The following LPP variants were observed in gnomAD, a reference collection of about 807,000 sequenced individuals.
The protein encoded by LPP is LIM domain containing preferred translocation partner in lipoma, also known as lipoma-preferred partner.
LPP carries 38 observed loss-of-function variants against 60.4 expected under a neutral mutation model. The ratio of observed to expected loss-of-function variants is 0.63; its 90% CI spans 0.49 to 0.83. The LOEUF (loss-of-function observed/expected upper bound fraction) is 0.83, where lower values mean the gene tolerates loss of function less well. Among genes scored for constraint, LPP ranks in the 40% least tolerant of loss-of-function variants. LPP has a pLI of 0.00. For missense variants in LPP, 902 were observed against 783.6 expected (o/e 1.15, Z -1.80); for synonymous variants, 328 against 290.8 (o/e 1.13, Z -1.30).
At chr3:188,567,673 A>G (rs1272190183) in intron 6 of LPP, among the ~76,000 whole-genome samples, 1 of 151,930 alleles carries the variant, frequency 6.6e-6, no homozygotes, top group Admixed American at 6.6e-5. Flanking sequence ...TGTCCTATGA[A>G]GCAGATATAC....
Position 188,874,831 on chromosome 3 carries a change from A to G in LPP, c.*352A>G, listed in dbSNP as rs1360210324. The G allele has an allele frequency of 4.1e-6, 1 of 246,780 alleles. No individual in the cohort carries two copies. The highest frequency in any genetic ancestry group is 5.2e-5 in the Admixed American group (1 of 19,336). The allele number at this position is 246,780 out of a possible 1,614,324, so 15.3% of individuals were successfully genotyped here. A position where few individuals can be genotyped will look rare whatever the true frequency, so the allele number is the denominator to read the frequency against. Reference sequence around the variant, plus strand: ...TTCTTAGTGTGGTATTTGCTGTCACATAGTTTTTCCTGGGTGAGTCTGCCA... The same window carrying G: ...TTCTTAGTGTGGTATTTGCTGTCACGTAGTTTTTCCTGGGTGAGTCTGCCA... On this transcript the variant is annotated 3_prime_UTR_variant, in exon 12 of 12. Coordinates refer to ENST00000617246, the MANE Select transcript of LPP (RefSeq NM_001375462.1).
At chr3:188,669,868 G>A (rs1007477774) in intron 7 of LPP, among the ~76,000 whole-genome samples, 6 of 152,152 alleles carry the variant, frequency 3.9e-5, no homozygotes, top group Non-Finnish European at 8.8e-5. Flanking sequence ...GTCCATCAAT[G>A]ATAGACTGGA....
chr3:188,836,892 C>A (rs1758583034), intron 9 of LPP, among the ~76,000 whole-genome samples: 1 of 152,194 alleles, frequency 6.6e-6, no homozygotes, highest in South Asian at 2.1e-4. Context: ...ACTGTCAGAA[C>A]TACGTGGGCT....
intron 1 of LPP, among the ~76,000 whole-genome samples, chr3:188,216,258 GTCT>G (rs1213770887): frequency 1.0e-4 from 15 of 147,884 alleles, no homozygotes; most frequent in African/African-American, 2.7e-4. Context: ...GACTCTGCTC[GTCT>G]TCTTCTTCTT....
intron 1 of LPP, among the ~76,000 whole-genome samples, chr3:188,177,911 A>G (rs1238252523): frequency 2.0e-5 from 3 of 152,188 alleles, no homozygotes; most frequent in Non-Finnish European, 4.4e-5. Context: ...GGAAGATGTG[A>G]CGATGTGCAT....
chr3:188,829,885 A>G, intron 9 of LPP, among the ~76,000 whole-genome samples: 1 of 152,062 alleles, frequency 6.6e-6, no homozygotes, highest in East Asian at 1.9e-4. Context: ...ATTAAAAGAT[A>G]CATTGGCTGG....
intron 4 of LPP, among the ~76,000 whole-genome samples, chr3:188,478,826 G>C (rs1206258579): frequency 6.6e-6 from 1 of 152,030 alleles, no homozygotes; most frequent in Non-Finnish European, 1.5e-5. Context: ...CTCCATCTCG[G>C]CTCACTGCAA....
chr3:188,752,721 C>G (rs1728495534), intron 8 of LPP, among the ~76,000 whole-genome samples: 2 of 152,164 alleles, frequency 1.3e-5, no homozygotes, highest in African/African-American at 4.8e-5. Flanking sequence ...TAGAATATAT[C>G]TCCTGGGAGA....
intron 10 of LPP, among the ~76,000 whole-genome samples, chr3:188,870,291 G>T (rs1457456256): frequency 6.6e-6 from 1 of 152,156 alleles, no homozygotes; most frequent in East Asian, 1.9e-4. Context: ...GGTCTGTACT[G>T]GAAGTCGTTG....
chr3:188,581,345 T>C (rs1836044679), intron 6 of LPP, among the ~76,000 whole-genome samples: 2 of 152,172 alleles, frequency 1.3e-5, no homozygotes, highest in Admixed American at 1.3e-4. Flanking sequence ...TGGACCTGGA[T>C]AGGCTCCACC....
chr3:188,462,571 T>TAC (rs1410720258), intron 4 of LPP, among the ~76,000 whole-genome samples: 1 of 64,712 alleles, frequency 1.5e-5, no homozygotes, highest in Non-Finnish European at 3.0e-5. Flanking sequence ...TATATATATA[T>TAC]ATATATATAT....
intron 11 of LPP, 113 bp downstream of exon 11, chr3:188,872,876 T>C: frequency 7.4e-7 from 1 of 1,349,406 alleles, no homozygotes; most frequent in South Asian, 1.4e-5. Flanking sequence ...TTAGTGCCTG[T>C]ACTCATAGGA....
At chr3:188,822,779 T>A (rs1754344643) in intron 9 of LPP, among the ~76,000 whole-genome samples, 1 of 152,160 alleles carries the variant, frequency 6.6e-6, no homozygotes, top group African/African-American at 2.4e-5. Context: ...CAGCTTTCCC[T>A]TCTGGTGATC....
At chr3:188,435,461 G>A (rs1375601614) in intron 4 of LPP, among the ~76,000 whole-genome samples, 1 of 152,088 alleles carries the variant, frequency 6.6e-6, no homozygotes, top group Non-Finnish European at 1.5e-5. Context: ...CTCCTACTTG[G>A]AGACACACGT....
chr3:188,192,833 C>T (rs540780631), intron 1 of LPP, among the ~76,000 whole-genome samples: 36 of 152,336 alleles, frequency 2.4e-4, no homozygotes, highest in Admixed American at 5.2e-4. Context: ...GTATCCTGTT[C>T]TGCAAAACGA....
At chr3:188,556,209 G>T (rs1214338837) in intron 6 of LPP, among the ~76,000 whole-genome samples, 2 of 152,078 alleles carry the variant, frequency 1.3e-5, no homozygotes, top group African/African-American at 4.8e-5. Context: ...CAAAGTCGAG[G>T]CCCCTCTAAA....
intron 4 of LPP, among the ~76,000 whole-genome samples, chr3:188,464,291 G>A (rs957514858): frequency 3.3e-5 from 5 of 152,136 alleles, no homozygotes; most frequent in African/African-American, 1.2e-4. Flanking sequence ...GGCCTGATAT[G>A]GTAGCTGCTA....
At chr3:188,843,227 G>A (rs1487044479) in intron 9 of LPP, among the ~76,000 whole-genome samples, 2 of 152,150 alleles carry the variant, frequency 1.3e-5, no homozygotes, top group African/African-American at 4.8e-5. Context: ...GCCATGAGGG[G>A]CTGTGACACC....
At chr3:188,689,444 T>C (rs529303670) in intron 7 of LPP, among the ~76,000 whole-genome samples, 1 of 152,364 alleles carries the variant, frequency 6.6e-6, no homozygotes, top group African/African-American at 2.4e-5. Flanking sequence ...CAATTGTATT[T>C]GCAAGTGATG....
Sources: allele counts gnomAD v4.1 joint callset (sites outside exome capture counted in the v4.1 genomes callset), GRCh38; gene constraint gnomAD v4.1.1; transcripts MANE v1.5; gene names NCBI Gene and HGNC (gene_info 2026-07-23, HGNC 2026-07-21).